INTS10: variants seen among roughly 807,000 people sequenced by gnomAD.
INTS10 encodes integrator complex subunit 10, also known as chromosome 8 open reading frame 35.
In INTS10, 44 loss-of-function variants were observed where a neutral mutation model predicts 94.4. The ratio of observed to expected loss-of-function variants is 0.47; its 90% CI spans 0.37 to 0.60. INTS10 has a LOEUF of 0.60. INTS10 is among the 20% of genes least tolerant of loss of function. The pLI is 0.00. For missense variants in INTS10, 797 were observed against 868.7 expected (o/e 0.92, Z 1.04); for synonymous variants, 341 against 320.7 (o/e 1.06, Z -0.68).
Position 19,843,515 on chromosome 8 carries a change from T to C in INTS10, c.1720-561T>C, listed in dbSNP as rs570745454. Among the ~76,000 whole-genome samples, 1 of 152,334 alleles carries C rather than the reference T, an allele frequency of 6.6e-6. No homozygotes were observed. Among genetic ancestry groups the C allele is most frequent in the South Asian group, 2.1e-4 (1 of 4,832 alleles). ...ACTCCCACTTAACTCATCATCCATA[T>C]CACTTTTTTAGGGCAACAAAAACAA... On this transcript the variant is annotated intron_variant, in intron 14 of 16. Coordinates refer to ENST00000397977, the MANE Select transcript of INTS10 (RefSeq NM_018142.4). The surrounding 1 kb of genome is among the most constrained non-coding windows in gnomAD (Gnocchi z 4.7).
Position 19,848,890 on chromosome 8 carries a change from C to T in INTS10, c.1977-2759C>T, listed in dbSNP as rs139773457. 2.5e-3 allele frequency: 489 copies of T among 193,876 alleles called. 3 individuals are homozygous for T. Among genetic ancestry groups the T allele is most frequent in the African/African-American group, 0.011 (471 of 42,790 alleles). The allele number at this position is 193,876 out of a possible 1,614,324, so 12.0% of individuals were successfully genotyped here. A position where few individuals can be genotyped will look rare whatever the true frequency, so the allele number is the denominator to read the frequency against. On this transcript the variant is annotated intron_variant, in intron 16 of 16. Transcript: ENST00000397977. ...TTCCATCATCCTCTTCCTCACTGGT[C>T]GCTTTTTATACCACCTCAAAAGGGG...
At chr8:19,833,354 G>A (rs1478518345) in intron 12 of INTS10, 33 bp downstream of exon 12, 18 of 1,470,582 alleles carry the variant, frequency 1.2e-5, no homozygotes, top group East Asian at 2.6e-5. Context: ...CCTGCCGCAG[G>A]TGCACGGGGC....
At chr8:19,826,651 T>TA in intron 9 of INTS10, 92 bp downstream of exon 9, 1 of 1,185,212 alleles carries the variant, frequency 8.4e-7, no homozygotes, top group South Asian at 1.5e-5. Flanking sequence ...GCTAAATCGA[T>TA]AAAGCCTGGG....
chr8:19,842,932 G>C lies in INTS10; in HGVS notation c.1719+5G>C. The C allele has an allele frequency of 6.4e-7, 1 of 1,571,666 alleles. No individual in the cohort carries two copies. On this transcript the variant is annotated splice_donor_5th_base_variant and intron_variant, in intron 14 of 16. Transcript: ENST00000397977. Reference sequence around the variant, plus strand: ...TTAATGTTAGCCTGTTTTAAGGTAAGCTTAAAGTTGATTAGCTTGAAAAAA... The same window carrying C: ...TTAATGTTAGCCTGTTTTAAGGTAACCTTAAAGTTGATTAGCTTGAAAAAA...
chr8:19,841,944 C>G (rs566193133), intron 13 of INTS10: 2 of 421,180 alleles, frequency 4.7e-6, no homozygotes, highest in African/African-American at 2.1e-5. Context: ...TGTTTTGGAT[C>G]TATCACATTA....
chr8:19,829,450 C>G (rs2128771646), intron 9 of INTS10, among the ~76,000 whole-genome samples: 1 of 151,562 alleles, frequency 6.6e-6, no homozygotes, highest in Admixed American at 6.6e-5. Flanking sequence ...TTTCTGTGGG[C>G]TTTATATTAC....
intron 9 of INTS10, among the ~76,000 whole-genome samples, chr8:19,830,188 T>C (rs1007907077): frequency 6.6e-6 from 1 of 152,040 alleles, no homozygotes; most frequent in African/African-American, 2.4e-5. Context: ...GAAAAAAAAT[T>C]CACTCAATTT....
At chr8:19,847,030 T>C (rs1180090470) in intron 16 of INTS10, among the ~76,000 whole-genome samples, 1 of 152,250 alleles carries the variant, frequency 6.6e-6, no homozygotes, top group Non-Finnish European at 1.5e-5. Context: ...TCTATCTTGA[T>C]AGTCTTAGAA....
Position 19,832,092 on chromosome 8 carries a change from T to G in INTS10, c.1359T>G (p.Thr453=), listed in dbSNP as rs1174894719. The G allele has an allele frequency of 1.3e-6, 2 of 1,582,054 alleles. No individual in the cohort carries two copies. The highest frequency in any genetic ancestry group is 1.7e-6 in the Non-Finnish European group (2 of 1,150,692). The change falls in exon 11 of 17, where the codon ACT becomes ACG. Residue 453 remains threonine, a synonymous_variant. Coordinates refer to ENST00000397977, the MANE Select transcript of INTS10 (RefSeq NM_018142.4). ...DTWLWLRIFL[T]DMIIYQGQYK... The stretch of plus-strand genomic sequence containing the variant: ...GGCTTTGGTTAAGAATCTTCCTCAC[T>G]GATATGATCATCTATCAGGTAGAGT...
At chr8:19,845,242 GA>G (rs2068479479) in intron 15 of INTS10, among the ~76,000 whole-genome samples, 2 of 152,128 alleles carry the variant, frequency 1.3e-5, no homozygotes, top group South Asian at 4.1e-4. Flanking sequence ...CCCCAGTTAT[GA>G]AGAAGTAATC....
intron 16 of INTS10, 146 bp downstream of exon 16, chr8:19,845,943 A>G (rs781780881): frequency 9.6e-5 from 47 of 489,704 alleles, no homozygotes; most frequent in Non-Finnish European, 1.2e-4. Context: ...GATTCTGGGT[A>G]CCTTTTGAAA....
At chr8:19,830,342 T>C in intron 9 of INTS10, 64 bp from the exon 10 acceptor site, 1 of 1,413,780 alleles carries the variant, frequency 7.1e-7, no homozygotes, top group South Asian at 1.4e-5. Flanking sequence ...GCAGCAATAA[T>C]ATGTTTCCAT....
chr8:19,840,637 T>C (rs993350572), intron 13 of INTS10, among the ~76,000 whole-genome samples: 2 of 152,164 alleles, frequency 1.3e-5, no homozygotes, highest in Admixed American at 6.5e-5. Context: ...GATCAAATGA[T>C]TTTCGATGAA....
Position 19,849,696 on chromosome 8 carries a change from T to C in INTS10, c.1977-1953T>C, listed in dbSNP as rs184090636. On this transcript the variant is annotated intron_variant, in intron 16 of 16. Coordinates refer to ENST00000397977, the MANE Select transcript of INTS10 (RefSeq NM_018142.4). This position sits in a 1 kb window ranked among gnomAD's most constrained non-coding sequence, Gnocchi z 4.6. ...TATCTAAATAGGCACTAATGTGTTT[T>C]TTTTCCTGCTACTGATGTTTTTTCA... Among the ~76,000 whole-genome samples the C allele has an allele frequency of 6.6e-6, 1 of 152,206 alleles. No homozygotes were observed.
chr8:19,837,484 G>A (rs2067754739), intron 13 of INTS10: 1 of 206,260 alleles, frequency 4.8e-6, no homozygotes, highest in Admixed American at 5.3e-5. Flanking sequence ...ATGAGCAGCT[G>A]TAAATGTCTT....
chr8:19,818,385 T>G, intron 2 of INTS10, 43 bp downstream of exon 2: 7 of 1,581,256 alleles, frequency 4.4e-6, no homozygotes, highest in Non-Finnish European at 6.1e-6. Context: ...ACTGAATCTC[T>G]CCATGAGGTT....
intron 2 of INTS10, among the ~76,000 whole-genome samples, chr8:19,819,300 T>G (rs893912417): frequency 1.3e-5 from 2 of 152,252 alleles, no homozygotes; most frequent in African/African-American, 4.8e-5. Context: ...TTCTTTCAAA[T>G]AGTTTGTTTT....
At chr8:19,822,645 T>C (rs542911155) in intron 5 of INTS10, 125 bp downstream of exon 5, 164 of 570,202 alleles carry the variant, frequency 2.9e-4, no homozygotes, top group African/African-American at 2.8e-3. Flanking sequence ...TTTAAGTTCT[T>C]TTTTTTTTAA....
In INTS10 at chr8:19,845,562, C is replaced by T. The variant is rs1385440405; in HGVS notation, c.1883-142C>T. 2.8e-5 allele frequency: 18 copies of T among 643,694 alleles called. 1 individual carries two copies. The highest frequency in any genetic ancestry group is 2.5e-4 in the Middle Eastern group (1 of 3,956). The allele number at this position is 643,694 out of a possible 1,614,324, so 39.9% of individuals were successfully genotyped here. A position where few individuals can be genotyped will look rare whatever the true frequency, so the allele number is the denominator to read the frequency against. On this transcript the variant is annotated intron_variant, in intron 15 of 16. Transcript: ENST00000397977. ...GGGCAAGTTACTCAACTGCCAAGAC[C>T]CCATTTCCTTATCAGAGAGAACTGG...
Sources: gnomAD v4.1 joint callset for allele counts (sites outside exome capture counted in the v4.1 genomes callset) on GRCh38, gnomAD v4.1.1 for gene constraint, Gnocchi (gnomAD v3.1) non-coding constraint, MANE v1.5 for transcripts, NCBI Gene and HGNC (gene_info 2026-07-23, HGNC 2026-07-21) for gene names.